Variants in EEPD1 observed in about 807,000 individuals in gnomAD.
EEPD1 encodes the protein endonuclease/exonuclease/phosphatase family domain containing 1.
EEPD1 carries 17 observed loss-of-function variants against 46.3 expected under a neutral mutation model. The observed-to-expected ratio is 0.37, with a 90% CI of 0.25 to 0.55. EEPD1 has a LOEUF of 0.55. Ranked by LOEUF, EEPD1 falls within the 20% of genes least tolerant of loss-of-function variation. EEPD1 has a pLI of 0.83. For synonymous variants in EEPD1, 313 were observed against 315.6 expected, an observed-to-expected ratio of 0.99 and a Z score of 0.09; for missense variants, 673 against 745.6, an observed-to-expected ratio of 0.90 and a Z score of 1.13.
intron 2 of EEPD1, among the ~76,000 whole-genome samples, chr7:36,238,250 C>T (rs943723868): frequency 6.6e-6 from 1 of 152,108 alleles, no homozygotes; most frequent in South Asian, 2.1e-4. Flanking sequence ...TTTTGGTCAG[C>T]CTCTTTACCA....
chr7:36,240,147 C>T (rs747649390), intron 3 of EEPD1, among the ~76,000 whole-genome samples: 17 of 152,028 alleles, frequency 1.1e-4, no homozygotes, highest in Middle Eastern at 3.2e-3. Flanking sequence ...TGCACACCTG[C>T]GGTCCCAATT....
chr7:36,234,657 G>T (rs1266016552), intron 2 of EEPD1, among the ~76,000 whole-genome samples: 1 of 150,998 alleles, frequency 6.6e-6, no homozygotes, highest in African/African-American at 2.4e-5. Context: ...GGGTGACAAA[G>T]TGAGACCCTG....
chr7:36,177,558 G>A (rs1249430165), intron 2 of EEPD1, among the ~76,000 whole-genome samples: 1 of 152,140 alleles, frequency 6.6e-6, no homozygotes, highest in Non-Finnish European at 1.5e-5. Context: ...TAGGATAATG[G>A]CTTCCAGCTG....
At chr7:36,170,875 C>CT (rs1785067311) in intron 2 of EEPD1, among the ~76,000 whole-genome samples, 1 of 152,088 alleles carries the variant, frequency 6.6e-6, no homozygotes, top group Non-Finnish European at 1.5e-5. Context: ...TCTTCTCACT[C>CT]GGAGTAGAAT....
At chr7:36,215,310 C>T (rs947019092) in intron 2 of EEPD1, among the ~76,000 whole-genome samples, 10 of 152,372 alleles carry the variant, frequency 6.6e-5, no homozygotes, top group African/African-American at 2.2e-4. Context: ...CTCCTGTTCC[C>T]CAGGAGATGA....
intron 2 of EEPD1, among the ~76,000 whole-genome samples, chr7:36,186,543 A>C (rs1007534077): frequency 2.0e-5 from 3 of 152,230 alleles, no homozygotes; most frequent in Middle Eastern, 3.2e-3. Flanking sequence ...TCTCCTATAT[A>C]GTCATCTTGT....
intron 2 of EEPD1, among the ~76,000 whole-genome samples, chr7:36,202,181 G>T (rs940399652): frequency 1.3e-5 from 2 of 152,210 alleles, no homozygotes; most frequent in Non-Finnish European, 2.9e-5. Flanking sequence ...AGGCTGAATA[G>T]GAGTCAGTGT....
At chr7:36,249,419 T>G (rs1437180216) in intron 3 of EEPD1, among the ~76,000 whole-genome samples, 1 of 152,142 alleles carries the variant, frequency 6.6e-6, no homozygotes, top group African/African-American at 2.4e-5. Flanking sequence ...CCTGGGACTG[T>G]ATCTTAAGGA....
rs1233863103 is a variant in EEPD1 at position 36,245,936 on chromosome 7, G to C, written c.930+6900G>C. ...TAAGTCACAGGTACTTGTTTCCCAG[G>C]CTTTAAACACAGGCCCATCTAAAGC... On this transcript the variant is annotated intron_variant, in intron 3 of 7. Transcript: ENST00000242108. 2.6e-5 allele frequency among the ~76,000 whole-genome samples: 4 copies of C among 152,170 alleles called. No homozygotes were observed. In the East Asian group the frequency reaches 7.7e-4, roughly 29 times the overall value.
chr7:36,168,163 G>A (rs1785017448), intron 2 of EEPD1, among the ~76,000 whole-genome samples: 1 of 152,200 alleles, frequency 6.6e-6, no homozygotes, highest in Non-Finnish European at 1.5e-5. Flanking sequence ...CACATATGGT[G>A]GAGTTTTGGC....
chr7:36,273,041 G>A (rs146225578), intron 3 of EEPD1, among the ~76,000 whole-genome samples: 1 of 152,192 alleles, frequency 6.6e-6, no homozygotes, highest in African/African-American at 2.4e-5. Flanking sequence ...TATGTGACCC[G>A]AGGCATCAGT....
At chr7:36,192,375 G>A (rs1785476779) in intron 2 of EEPD1, among the ~76,000 whole-genome samples, 1 of 152,210 alleles carries the variant, frequency 6.6e-6, no homozygotes, top group Admixed American at 6.5e-5. Context: ...CAACAGCAGA[G>A]GGAACACTAG....
chr7:36,285,619 C>G (rs549467108), intron 5 of EEPD1, among the ~76,000 whole-genome samples: 1 of 152,204 alleles, frequency 6.6e-6, no homozygotes, highest in Non-Finnish European at 1.5e-5. Context: ...GCCTTATCCC[C>G]GTGGTCCTTG....
intron 2 of EEPD1, among the ~76,000 whole-genome samples, chr7:36,191,446 G>A (rs1050308866): frequency 5.3e-5 from 8 of 152,210 alleles, no homozygotes; most frequent in Admixed American, 5.2e-4. Flanking sequence ...GTGCAGGAGA[G>A]GGGCAGAGAT....
chr7:36,261,326 C>T (rs534640251), intron 3 of EEPD1, among the ~76,000 whole-genome samples: 1 of 152,262 alleles, frequency 6.6e-6, no homozygotes, highest in Admixed American at 6.5e-5. Context: ...ACTGGAAGGG[C>T]CTCTGCTTGC....
intron 2 of EEPD1, among the ~76,000 whole-genome samples, chr7:36,194,449 TA>T (rs1785539467): frequency 6.6e-6 from 1 of 152,180 alleles, no homozygotes; most frequent in South Asian, 2.1e-4. Context: ...TGTTTCCTTT[TA>T]AGGTGGGGGC....
chr7:36,280,945 T>C, intron 3 of EEPD1, 170 bp from the exon 4 acceptor site: 6 of 540,874 alleles, frequency 1.1e-5, no homozygotes, highest in Non-Finnish European at 2.0e-5. Context: ...GCTTGTTTAG[T>C]CATCTGGCTC....
chr7:36,154,577 G>A lies in EEPD1; in HGVS notation c.253G>A (p.Gly85Ser). Residue 85 changes from glycine (G) to serine (S), a missense_variant, in exon 2 of 8, where the codon GGT (glycine) becomes AGT (serine). Physicochemically the swap from Gly to Ser is moderately conservative, Grantham distance 56. Transcript: ENST00000242108. This position sits in a 1 kb window ranked among gnomAD's most constrained non-coding sequence, Gnocchi z 4.2. The stretch of plus-strand genomic sequence containing the variant: ...GGTGGAGGACCTGGCATTGGTCAGT[G>A]GTGTAGGCGCCACCAAGCTGGAGCA... ...KKVEDLALVSGVGATKLEQVK... is the reference protein window; with the variant it reads ...KKVEDLALVSSVGATKLEQVK... 1 of 1,614,142 alleles carries A rather than the reference G, an allele frequency of 6.2e-7. No individual in the cohort carries two copies. Among genetic ancestry groups the A allele is most frequent in the Non-Finnish European group, 8.5e-7 (1 of 1,180,026 alleles).
intron 4 of EEPD1, among the ~76,000 whole-genome samples, chr7:36,282,136 A>G (rs1325315848): frequency 6.6e-6 from 1 of 152,238 alleles, no homozygotes; most frequent in Non-Finnish European, 1.5e-5. Context: ...GTCAGCACAC[A>G]TTCAGAGAAG....
Sources: allele counts gnomAD v4.1 joint callset (sites outside exome capture counted in the v4.1 genomes callset), GRCh38; gene constraint gnomAD v4.1.1; non-coding constraint Gnocchi (gnomAD v3.1); transcripts MANE v1.5; gene names NCBI Gene and HGNC (gene_info 2026-07-23, HGNC 2026-07-21).